Variants in DOCK5 observed in about 807,000 individuals in gnomAD.
DOCK5 encodes the protein dedicator of cytokinesis 5, also known as dedicator of cytokinesis protein 5.
DOCK5 carries 142 observed loss-of-function variants against 251.8 expected under a neutral mutation model. The ratio of observed to expected loss-of-function variants is 0.56; its 90% CI spans 0.49 to 0.65. The LOEUF (loss-of-function observed/expected upper bound fraction) is 0.65. Ranked by LOEUF, DOCK5 falls within the 30% of genes least tolerant of loss-of-function variation. The pLI is 0.00. For synonymous variants in DOCK5, 842 were observed against 835.5 expected (o/e 1.01, Z -0.13); for missense variants, 2,111 against 2,312.3 (o/e 0.91, Z 1.79).
chr8:25,278,441 G>GCA (rs1299139609), intron 4 of DOCK5, 128 bp from the exon 5 acceptor site: 2 of 813,226 alleles, frequency 2.5e-6, no homozygotes, highest in African/African-American at 3.4e-5. Flanking sequence ...AAAGTCCCCT[G>GCA]CACAACTCCT....
At chr8:25,186,926 G>A (rs1393942175) in intron 1 of DOCK5, among the ~76,000 whole-genome samples, 1 of 151,970 alleles carries the variant, frequency 6.6e-6, no homozygotes, top group African/African-American at 2.4e-5. Context: ...TGGGCCAGGT[G>A]CGATGGCTCA....
chr8:25,397,821 T>C (rs571175071), intron 45 of DOCK5, among the ~76,000 whole-genome samples: 12 of 152,266 alleles, frequency 7.9e-5, no homozygotes, highest in African/African-American at 2.9e-4. Context: ...AACAAAAAGC[T>C]AGGATAAATA....
At chr8:25,395,916 A>G (rs1801337876) in intron 45 of DOCK5, 197 bp downstream of exon 45, 1 of 710,776 alleles carries the variant, frequency 1.4e-6, no homozygotes, top group South Asian at 1.6e-5. Context: ...CTGGTATAGA[A>G]CTTACCTAGT....
intron 13 of DOCK5, among the ~76,000 whole-genome samples, chr8:25,316,535 G>T (rs1211257382): frequency 6.6e-6 from 1 of 152,024 alleles, no homozygotes; most frequent in African/African-American, 2.4e-5. Context: ...TACCTCATCA[G>T]GTTGTTCTGT....
At chr8:25,298,070 A>AG (rs1563192604) in intron 7 of DOCK5, among the ~76,000 whole-genome samples, 1 of 151,940 alleles carries the variant, frequency 6.6e-6, no homozygotes, top group East Asian at 1.9e-4. Context: ...AAAAAAAAAA[A>AG]AAAAAAAACT....
Position 25,219,061 on chromosome 8 carries a change from G to A in DOCK5, c.44-24613G>A, listed in dbSNP as rs188272863. On this transcript the variant is annotated intron_variant, in intron 1 of 51. Coordinates refer to ENST00000276440, the MANE Select transcript of DOCK5 (RefSeq NM_024940.8). ...TTATTTTGCTCTCTTGTGATTCATC[G>A]GTTTTAGGCATTATTTACTGACTTC... is the stretch of plus-strand genomic sequence containing the variant. 5.7e-4 allele frequency among the ~76,000 whole-genome samples: 87 copies of A among 152,016 alleles called. 1 individual carries two copies. The highest frequency in any genetic ancestry group is 1.9e-3 in the African/African-American group (79 of 41,436).
chr8:25,411,899 AAG>A lies in DOCK5; in HGVS notation c.*604_*605del, dbSNP rs1801637646. The A allele has an allele frequency of 6.6e-6, 1 of 152,154 alleles. No homozygotes were observed. Among genetic ancestry groups the A allele is most frequent in the Admixed American group, 6.5e-5 (1 of 15,284 alleles). The allele number at this position is 152,154 out of a possible 1,614,324, so 9.4% of individuals were successfully genotyped here. A position where few individuals can be genotyped will look rare whatever the true frequency, so the allele number is the denominator to read the frequency against. Reference sequence around the variant, plus strand: ...TTCAGGTATGTGTGTCTATCATTGAAAGAGCATGGACTCAAACATCAGCCCTG... The same window carrying A: ...TTCAGGTATGTGTGTCTATCATTGAAAGCATGGACTCAAACATCAGCCCTG... On this transcript the variant is annotated 3_prime_UTR_variant, in exon 52 of 52. Coordinates refer to ENST00000276440, the MANE Select transcript of DOCK5 (RefSeq NM_024940.8).
chr8:25,188,564 T>G (rs759640761), intron 1 of DOCK5, among the ~76,000 whole-genome samples: 1 of 152,252 alleles, frequency 6.6e-6, no homozygotes, highest in Non-Finnish European at 1.5e-5. Context: ...CACTCTTGGC[T>G]GTTCCTGACA....
chr8:25,380,488 G>A, intron 39 of DOCK5, 94 bp downstream of exon 39: 1 of 1,090,768 alleles, frequency 9.2e-7, no homozygotes, highest in Non-Finnish European at 1.3e-6. Context: ...CAGGATGAAT[G>A]GTGTTTTTTT....
intron 22 of DOCK5, among the ~76,000 whole-genome samples, chr8:25,337,236 A>C (rs1805834618): frequency 6.6e-6 from 1 of 152,190 alleles, no homozygotes. Context: ...ATACAGACGC[A>C]CACACATGCA....
intron 25 of DOCK5, 181 bp from the exon 26 acceptor site, chr8:25,345,294 A>G: frequency 1.8e-6 from 1 of 568,554 alleles, no homozygotes; most frequent in African/African-American, 1.9e-5. Flanking sequence ...GCATTGAACA[A>G]GGGTAAAGTT....
At chr8:25,261,045 C>G (rs1343821783) in intron 2 of DOCK5, among the ~76,000 whole-genome samples, 1 of 152,066 alleles carries the variant, frequency 6.6e-6, no homozygotes, top group Non-Finnish European at 1.5e-5. Context: ...TCCCAAAGTG[C>G]TGGAATTATG....
intron 1 of DOCK5, among the ~76,000 whole-genome samples, chr8:25,207,600 C>G (rs546881412): frequency 1.3e-5 from 2 of 152,196 alleles, no homozygotes; most frequent in African/African-American, 4.8e-5. Context: ...GTCTGGATGA[C>G]AGTACATCTG....
intron 16 of DOCK5, among the ~76,000 whole-genome samples, chr8:25,321,623 C>T (rs938574532): frequency 6.6e-6 from 1 of 152,054 alleles, no homozygotes; most frequent in African/African-American, 2.4e-5. Context: ...TGCTGCTGAT[C>T]CAACAGGAGG....
chr8:25,275,587 CA>C, intron 4 of DOCK5, 146 bp downstream of exon 4: 1 of 770,626 alleles, frequency 1.3e-6, no homozygotes. Flanking sequence ...GTAATCCCAG[CA>C]CTTTGGGAGA....
intron 2 of DOCK5, among the ~76,000 whole-genome samples, chr8:25,252,309 G>A (rs1406601509): frequency 6.6e-6 from 1 of 152,200 alleles, no homozygotes; most frequent in African/African-American, 2.4e-5. Flanking sequence ...TTAATAGAAT[G>A]TGTAAAAGTT....
In DOCK5 at chr8:25,223,266, A is replaced by T. The variant is rs566149012; in HGVS notation, c.44-20408A>T. ...AGTGATCCTCCCACCTTGGCCTCCC[A>T]AAGTGCTGGGATTATAGACACAAGC... On this transcript the variant is annotated intron_variant, in intron 1 of 51. Coordinates refer to ENST00000276440, the MANE Select transcript of DOCK5 (RefSeq NM_024940.8). Among the ~76,000 whole-genome samples, 53 of 152,286 alleles carry T rather than the reference A, an allele frequency of 3.5e-4. No homozygotes were observed. The East Asian group carries it at 9.7e-3, about 28-fold the overall frequency.
At chr8:25,241,617 A>G (rs931278175) in intron 1 of DOCK5, among the ~76,000 whole-genome samples, 2 of 152,232 alleles carry the variant, frequency 1.3e-5, no homozygotes, top group African/African-American at 4.8e-5. Flanking sequence ...ATCTAGAACC[A>G]CAAATACCAT....
At chr8:25,400,690 C>T (rs977405793) in intron 46 of DOCK5, among the ~76,000 whole-genome samples, 2 of 152,034 alleles carry the variant, frequency 1.3e-5, no homozygotes. Context: ...TTAGATTTGC[C>T]TCATCCCACA....
Sources: allele counts gnomAD v4.1 joint callset (sites outside exome capture counted in the v4.1 genomes callset), GRCh38; gene constraint gnomAD v4.1.1; transcripts MANE v1.5; gene names NCBI Gene and HGNC (gene_info 2026-07-23, HGNC 2026-07-21).